The following WDFY3 variants were observed in gnomAD, a reference collection of about 807,000 sequenced individuals.
WDFY3 encodes the protein WD repeat and FYVE domain containing 3, also known as WD repeat and FYVE domain-containing protein 3.
In WDFY3, 66 loss-of-function variants were observed where a neutral mutation model predicts 409.6. The observed-to-expected ratio is 0.16, with a 90% CI of 0.13 to 0.20. WDFY3 has a LOEUF of 0.20. Among genes scored for constraint, WDFY3 ranks in the 10% least tolerant of loss-of-function variants. The pLI is 1.00. For synonymous variants in WDFY3, 1,521 were observed against 1,537.1 expected (o/e 0.99, Z 0.25); for missense variants, 3,031 against 4,298.1 (o/e 0.71, Z 8.24).
At chr4:84,703,865 C>G (rs139751013) in intron 55 of WDFY3, among the ~76,000 whole-genome samples, 10 of 152,176 alleles carry the variant, frequency 6.6e-5, no homozygotes, top group Non-Finnish European at 1.5e-4. Context: ...TGGCTGTCTC[C>G]TTCAACTGAA....
At chr4:84,932,945 C>T (rs1372757576) in intron 1 of WDFY3, among the ~76,000 whole-genome samples, 2 of 152,076 alleles carry the variant, frequency 1.3e-5, no homozygotes, top group Non-Finnish European at 2.9e-5. Flanking sequence ...GTCAATATTT[C>T]AATATGAAAA....
intron 36 of WDFY3, among the ~76,000 whole-genome samples, chr4:84,745,083 C>A (rs1739185886): frequency 1.3e-5 from 2 of 152,002 alleles, no homozygotes; most frequent in Admixed American, 6.6e-5. Flanking sequence ...CAAAGTTAAA[C>A]TGTAGTCTAC....
chr4:84,878,867 T>G (rs547743186), intron 3 of WDFY3, among the ~76,000 whole-genome samples: 1 of 152,206 alleles, frequency 6.6e-6, no homozygotes, highest in Non-Finnish European at 1.5e-5. Context: ...ACCAAAAGGC[T>G]GCACTGCACA....
chr4:84,717,202 T>C (rs1490429100), intron 48 of WDFY3, among the ~76,000 whole-genome samples, 186 bp from the exon 49 acceptor site: 1 of 152,182 alleles, frequency 6.6e-6, no homozygotes, highest in Non-Finnish European at 1.5e-5. Flanking sequence ...GAACCCCCTT[T>C]GATGAATATA....
chr4:84,782,204 T>A (rs1272370820), intron 25 of WDFY3, among the ~76,000 whole-genome samples: 2 of 152,214 alleles, frequency 1.3e-5, no homozygotes, highest in African/African-American at 2.4e-5. Context: ...TTCTAGCTCA[T>A]TTCTAAATTA....
At chr4:84,958,549 A>T (rs1774525254) in intron 1 of WDFY3, among the ~76,000 whole-genome samples, 1 of 152,186 alleles carries the variant, frequency 6.6e-6, no homozygotes, top group Non-Finnish European at 1.5e-5. Flanking sequence ...TCCAGGAGGG[A>T]CAACCTAAGT....
chr4:84,830,914 C>T (rs967885165), intron 8 of WDFY3, among the ~76,000 whole-genome samples: 2 of 152,010 alleles, frequency 1.3e-5, no homozygotes, highest in East Asian at 1.9e-4. Flanking sequence ...GTTGGCCAGG[C>T]GCAGTGGCTG....
At chr4:84,715,822 A>C (rs995315593) in intron 49 of WDFY3, among the ~76,000 whole-genome samples, 5 of 150,358 alleles carry the variant, frequency 3.3e-5, no homozygotes, top group Non-Finnish European at 4.4e-5. Context: ...TAACACTTTT[A>C]GAGTCATGAA....
rs1560795741 is a variant in WDFY3, at chr4:84,801,697, C to A, written c.2775G>T (p.Arg925=). The A allele has an allele frequency of 6.2e-7, 1 of 1,612,538 alleles. No homozygotes were observed. The highest frequency in any genetic ancestry group is 1.7e-5 in the Admixed American group (1 of 60,008). ...EDHSLHPPLQ[R]MFERLASQAL... ...CCTGAGAGGCTAATCGTTCAAACAT[C>A]CGCTGCAGGGGCGGGTGCAGTGAGT... The change falls in exon 17 of 68, where the codon CGG becomes CGT. Residue 925 remains arginine, a synonymous_variant. Coordinates refer to ENST00000295888, the MANE Select transcript of WDFY3 (RefSeq NM_014991.6).
chr4:84,851,984 T>TTA (rs2150129472), intron 4 of WDFY3, among the ~76,000 whole-genome samples: 1 of 152,342 alleles, frequency 6.6e-6, no homozygotes, highest in South Asian at 2.1e-4. Flanking sequence ...AGATTCCTTC[T>TTA]TATTATAGAT....
chr4:84,808,956 C>T (rs547096885), intron 14 of WDFY3: 1 of 152,354 alleles, frequency 6.6e-6, no homozygotes, highest in South Asian at 2.1e-4. Context: ...TCAGTTGATA[C>T]TTCAAAGCAG....
chr4:84,798,401 A>C (rs1304714226), intron 17 of WDFY3, among the ~76,000 whole-genome samples: 1 of 152,214 alleles, frequency 6.6e-6, no homozygotes, highest in Admixed American at 6.5e-5. Flanking sequence ...CAGACTAATT[A>C]CAATACAAAA....
chr4:84,776,273 C>T (rs185916553), intron 27 of WDFY3, among the ~76,000 whole-genome samples: 168 of 151,958 alleles, frequency 1.1e-3, no homozygotes, highest in Non-Finnish European at 2.0e-3. Flanking sequence ...AAAACAATCA[C>T]TAAAAATTGT....
chr4:84,784,891 T>TATATATATATATACACAC (rs1238884117), intron 24 of WDFY3, among the ~76,000 whole-genome samples: 2 of 36,908 alleles, frequency 5.4e-5, no homozygotes, highest in African/African-American at 1.5e-4. Flanking sequence ...TATATATATA[T>TATATATATATATACACAC]ACACACACAC....
rs79743975 is a variant in WDFY3 at position 84,744,295 on chromosome 4, A to G, written c.5974-496T>C. 8.3e-3 allele frequency among the ~76,000 whole-genome samples: 1,260 copies of G among 152,040 alleles called. 21 individuals are homozygous for G. The highest frequency in any genetic ancestry group is 0.029 in the African/African-American group (1,206 of 41,510). Reference sequence around the variant, plus strand: ...AATGAATTATAAAGCCATTAAAACTAATACAAAAACCCAAGAATCTAGTAA... The same window carrying G: ...AATGAATTATAAAGCCATTAAAACTGATACAAAAACCCAAGAATCTAGTAA... On this transcript the variant is annotated intron_variant, in intron 36 of 67. Coordinates refer to ENST00000295888, the MANE Select transcript of WDFY3 (RefSeq NM_014991.6).
At chr4:84,904,242 A>G (rs1320561447) in intron 2 of WDFY3, among the ~76,000 whole-genome samples, 1 of 152,038 alleles carries the variant, frequency 6.6e-6, no homozygotes, top group Non-Finnish European at 1.5e-5. Flanking sequence ...TCATTCATTC[A>G]TTCATTCATT....
intron 52 of WDFY3, 48 bp from the exon 53 acceptor site, chr4:84,709,076 A>C (rs1732463460): frequency 6.2e-7 from 1 of 1,602,318 alleles, no homozygotes; most frequent in Non-Finnish European, 8.5e-7. Context: ...TATTTCCACT[A>C]TGTTCAGCTT....
At chr4:84,834,634 G>A (rs1283623769) in intron 7 of WDFY3, among the ~76,000 whole-genome samples, 1 of 152,110 alleles carries the variant, frequency 6.6e-6, no homozygotes, top group African/African-American at 2.4e-5. Flanking sequence ...CTGGGAGACA[G>A]ACCAAAATTC....
At chr4:84,930,413 A>G (rs984156820) in intron 2 of WDFY3, among the ~76,000 whole-genome samples, 1 of 152,216 alleles carries the variant, frequency 6.6e-6, no homozygotes, top group Non-Finnish European at 1.5e-5. Context: ...GAACACATAC[A>G]TTAATTCTTT....
Sources: allele counts gnomAD v4.1 joint callset (sites outside exome capture counted in the v4.1 genomes callset), GRCh38; gene constraint gnomAD v4.1.1; transcripts MANE v1.5; gene names NCBI Gene and HGNC (gene_info 2026-07-23, HGNC 2026-07-21).